INTS4: variants seen among roughly 807,000 people sequenced by gnomAD.
INTS4 encodes the protein MSTP093.
INTS4 carries 70 observed loss-of-function variants against 119.5 expected under a neutral mutation model. The ratio of observed to expected loss-of-function variants is 0.59; its 90% confidence interval spans 0.48 to 0.71. The LOEUF is 0.71. Ranked by LOEUF, INTS4 falls within the 30% of genes least tolerant of loss-of-function variation. INTS4 has a pLI of 0.00. For synonymous variants in INTS4, 316 were observed against 419.6 expected (o/e 0.75, Z 3.02); for missense variants, 867 against 1,173.2 (o/e 0.74, Z 3.81).
At chr11:77,956,098 C>T in intron 7 of INTS4, 36 bp from the exon 8 acceptor site, 1 of 1,566,602 alleles carries the variant, frequency 6.4e-7, no homozygotes, top group Non-Finnish European at 8.6e-7. Flanking sequence ...TCACTTAGAA[C>T]AAAACATGAA....
At chr11:77,916,680 G>A (rs1160862146) in intron 15 of INTS4, among the ~76,000 whole-genome samples, 2 of 152,196 alleles carry the variant, frequency 1.3e-5, no homozygotes, top group Admixed American at 1.3e-4. Context: ...ACTGTCTTCT[G>A]CACATGGACT....
At chr11:77,953,053 T>C (rs888672718) in intron 8 of INTS4, among the ~76,000 whole-genome samples, 2 of 152,220 alleles carry the variant, frequency 1.3e-5, no homozygotes, top group Non-Finnish European at 2.9e-5. Context: ...CTTGTTTAAC[T>C]CTACTATGCA....
At chr11:77,949,876 C>CTACTAT (rs1360719382) in intron 8 of INTS4, among the ~76,000 whole-genome samples, 11 of 152,210 alleles carry the variant, frequency 7.2e-5, no homozygotes, top group African/African-American at 2.6e-4. Flanking sequence ...GGTATATACC[C>CTACTAT]AAAGGATTAT....
Position 77,956,079 on chromosome 11 carries a change from G to T in INTS4, c.798-17C>A, listed in dbSNP as rs1382370270. ...GGGACAATGCTAAATTAAAAGAAAA[G>T]AAATGAAATCACTTAGAACAAAACA... On this transcript the variant is annotated splice_polypyrimidine_tract_variant and intron_variant, in intron 7 of 22. Transcript: ENST00000534064. 2.5e-6 allele frequency: 4 copies of T among 1,582,340 alleles called. No individual in the cohort carries two copies. Among genetic ancestry groups the T allele is most frequent in the Middle Eastern group, 2.4e-4 (1 of 4,250 alleles).
intron 8 of INTS4, among the ~76,000 whole-genome samples, chr11:77,947,809 T>G (rs534074675): frequency 1.7e-4 from 26 of 152,254 alleles, no homozygotes; most frequent in African/African-American, 6.3e-4. Flanking sequence ...CAAAGTTGAG[T>G]TGCTATCAGC....
intron 2 of INTS4, among the ~76,000 whole-genome samples, chr11:77,989,616 G>A (rs1441048598): frequency 6.6e-6 from 1 of 151,966 alleles, no homozygotes; most frequent in African/African-American, 2.4e-5. Context: ...GGGGCTGAGT[G>A]TGGTGGTTCA....
At chr11:77,968,030 T>C (rs1294881682) in intron 4 of INTS4, among the ~76,000 whole-genome samples, 1 of 152,210 alleles carries the variant, frequency 6.6e-6, no homozygotes, top group Non-Finnish European at 1.5e-5. Context: ...GCTATAAACC[T>C]GTACAACATG....
intron 2 of INTS4, chr11:77,987,490 A>G: frequency 6.3e-6 from 2 of 318,428 alleles, no homozygotes; most frequent in Non-Finnish European, 1.3e-5. Context: ...GATCTTTAAT[A>G]TAATAATAAT....
chr11:77,876,755 C>T (rs1951605768), downstream of INTS4, among the ~76,000 whole-genome samples: 1 of 152,210 alleles, frequency 6.6e-6, no homozygotes. Flanking sequence ...CAAGTCCTGG[C>T]TTTGTCCCTT....
In INTS4 at chr11:77,906,846, C is replaced by A. The variant is rs1245200220; in HGVS notation, c.2016+871G>T. 2.0e-5 allele frequency among the ~76,000 whole-genome samples: 3 copies of A among 152,258 alleles called. No individual in the cohort carries two copies. The East Asian group carries it at 5.8e-4, about 29-fold the overall frequency. On this transcript the variant is annotated intron_variant, in intron 16 of 22. Coordinates refer to ENST00000534064, the MANE Select transcript of INTS4 (RefSeq NM_033547.4). ...TTGAACTAGGGCCAAGATAAAAGTTCGTCAAGTGAGAAGGGCTCTCCTAAA... is the reference window on the plus strand; with the variant it reads ...TTGAACTAGGGCCAAGATAAAAGTTAGTCAAGTGAGAAGGGCTCTCCTAAA...
intron 2 of INTS4, among the ~76,000 whole-genome samples, chr11:77,983,388 G>A (rs1266986288): frequency 6.6e-6 from 1 of 152,192 alleles, no homozygotes; most frequent in Non-Finnish European, 1.5e-5. Flanking sequence ...ACACGTGTGA[G>A]TCACCATGCC....
chr11:77,884,786 A>C, intron 21 of INTS4: 1 of 402,858 alleles, frequency 2.5e-6, no homozygotes, highest in East Asian at 7.7e-5. Flanking sequence ...ACAGGGTCTT[A>C]CTCTGCCACC....
intron 10 of INTS4, among the ~76,000 whole-genome samples, chr11:77,938,283 A>G (rs546134163): frequency 1.3e-5 from 2 of 152,356 alleles, no homozygotes; most frequent in African/African-American, 4.8e-5. Context: ...ATTTTTATTA[A>G]TATCAATTTT....
intron 15 of INTS4, among the ~76,000 whole-genome samples, chr11:77,912,724 C>T (rs1163858392): frequency 1.3e-5 from 2 of 152,036 alleles, no homozygotes; most frequent in African/African-American, 4.8e-5. Context: ...GTCTTGGTGA[C>T]CTCTAAAACG....
intron 10 of INTS4, 67 bp downstream of exon 10, chr11:77,938,584 C>A: frequency 6.4e-7 from 1 of 1,560,522 alleles, no homozygotes; most frequent in South Asian, 1.2e-5. Flanking sequence ...TGTGTATCAC[C>A]CAGTATAATG....
chr11:77,911,672 CCT>C (rs779156151), intron 15 of INTS4, among the ~76,000 whole-genome samples: 18 of 152,192 alleles, frequency 1.2e-4, no homozygotes, highest in South Asian at 2.1e-4. Flanking sequence ...CCCAGTGTTA[CCT>C]CTCTTTATCT....
intron 10 of INTS4, 34 bp from the exon 11 acceptor site, chr11:77,928,581 G>C (rs778079123): frequency 2.8e-5 from 44 of 1,546,996 alleles, no homozygotes; most frequent in Admixed American, 1.2e-4. Flanking sequence ...TGCACATCAG[G>C]CTGGGCACAG....
At chr11:77,991,670 G>C (rs1041383535) in intron 1 of INTS4, among the ~76,000 whole-genome samples, 17 of 151,936 alleles carry the variant, frequency 1.1e-4, no homozygotes, top group African/African-American at 4.1e-4. Context: ...TTACAAGCAT[G>C]AGCCACGGTG....
In INTS4 at chr11:77,960,982, GTGGGTCT is replaced by G; in HGVS notation, c.621_627del (p.Gln207HisfsTer8). On this transcript the variant is annotated frameshift_variant, in exon 5 of 23. Transcript: ENST00000534064. LOFTEE classifies it high-confidence loss of function. ...GCTTTTATAGCTGCTGTTCTGACAC[GTGGGTCT>G]TGGTCACTGAAGTAATCCCCTATAA... 7 of 1,611,064 alleles carry G rather than the reference GTGGGTCT, an allele frequency of 4.3e-6. No individual in the cohort carries two copies. Among genetic ancestry groups the G allele is most frequent in the Non-Finnish European group, 5.1e-6 (6 of 1,178,686 alleles).
Sources: allele counts gnomAD v4.1 joint callset (sites outside exome capture counted in the v4.1 genomes callset), GRCh38; gene constraint gnomAD v4.1.1; transcripts MANE v1.5; gene names NCBI Gene and HGNC (gene_info 2026-07-23, HGNC 2026-07-21).